The following SLC25A12 variants were observed in gnomAD, a reference collection of about 807,000 sequenced individuals.
SLC25A12 encodes solute carrier family 25 member 12.
Under a neutral mutation model 83.3 loss-of-function variants are expected in SLC25A12, and 32 were observed. The ratio of observed to expected loss-of-function variants is 0.38; its 90% CI spans 0.29 to 0.52. SLC25A12 has a LOEUF of 0.52. SLC25A12 is among the 20% of genes least tolerant of loss of function. The probability of loss-of-function intolerance (pLI) is 0.84; values close to 1 mark genes in which losing one functional copy is unlikely to be tolerated. For synonymous variants in SLC25A12, 267 were observed against 291.1 expected, an observed-to-expected ratio of 0.92 and a Z score of 0.84; for missense variants, 611 against 835.6, an observed-to-expected ratio of 0.73 and a Z score of 3.31.
intron 9 of SLC25A12, among the ~76,000 whole-genome samples, chr2:171,822,764 C>A (rs1684220304): frequency 3.3e-5 from 5 of 152,172 alleles, no homozygotes; most frequent in Admixed American, 3.3e-4. Flanking sequence ...TAACTACTCT[C>A]TCCCTCATAA....
chr2:171,826,187 G>A (rs537219962), intron 9 of SLC25A12, among the ~76,000 whole-genome samples: 1 of 152,242 alleles, frequency 6.6e-6, no homozygotes, highest in African/African-American at 2.4e-5. Flanking sequence ...TAAATGTGAC[G>A]AGGCAAATGA....
At chr2:171,830,734 C>T (rs756209708) in intron 8 of SLC25A12, among the ~76,000 whole-genome samples, 17 of 152,124 alleles carry the variant, frequency 1.1e-4, no homozygotes, top group Non-Finnish European at 2.1e-4. Flanking sequence ...ACACTGGCCT[C>T]GAACTCCTGA....
intron 4 of SLC25A12, among the ~76,000 whole-genome samples, chr2:171,848,795 C>T (rs1408547875): frequency 6.6e-6 from 1 of 152,182 alleles, no homozygotes; most frequent in African/African-American, 2.4e-5. Flanking sequence ...TTTCTATTAG[C>T]CCTTTACCTA....
At chr2:171,855,274 T>C (rs1314066161) in intron 4 of SLC25A12, among the ~76,000 whole-genome samples, 1 of 152,244 alleles carries the variant, frequency 6.6e-6, no homozygotes, top group Non-Finnish European at 1.5e-5. Context: ...ATTTTGTGTC[T>C]ACTAGAGGAT....
intron 8 of SLC25A12, among the ~76,000 whole-genome samples, chr2:171,827,975 A>G (rs1684345695): frequency 6.6e-6 from 1 of 152,046 alleles, no homozygotes; most frequent in Non-Finnish European, 1.5e-5. Context: ...TCCCTTTTCC[A>G]ACACGGGACC....
At chr2:171,884,381 G>C (rs1685767751) in intron 2 of SLC25A12, among the ~76,000 whole-genome samples, 1 of 151,614 alleles carries the variant, frequency 6.6e-6, no homozygotes, top group Non-Finnish European at 1.5e-5. Context: ...AGTAGAGACG[G>C]GGTTTCACCT....
intron 13 of SLC25A12, among the ~76,000 whole-genome samples, chr2:171,796,409 A>G (rs1227438343): frequency 1.3e-5 from 2 of 152,208 alleles, no homozygotes; most frequent in African/African-American, 4.8e-5. Context: ...AGTGCAAATA[A>G]TCAATGACAC....
chr2:171,825,522 G>T (rs982298186), intron 9 of SLC25A12, among the ~76,000 whole-genome samples: 1 of 152,246 alleles, frequency 6.6e-6, no homozygotes, highest in Admixed American at 6.5e-5. Context: ...CAGCAATGAA[G>T]AAAGAGCAGA....
intron 4 of SLC25A12, chr2:171,848,074 C>G: frequency 2.4e-6 from 1 of 419,382 alleles, no homozygotes; most frequent in Middle Eastern, 3.6e-4. Flanking sequence ...CCCCAGAAAC[C>G]CATACTGTGT....
At chr2:171,819,005 T>G in intron 9 of SLC25A12, among the ~76,000 whole-genome samples, 1 of 150,520 alleles carries the variant, frequency 6.6e-6, no homozygotes, top group South Asian at 2.1e-4. Context: ...TTCAATAGTC[T>G]GGGATTTGAA....
chr2:171,805,761 A>G (rs1423416058), intron 13 of SLC25A12, among the ~76,000 whole-genome samples: 3 of 152,182 alleles, frequency 2.0e-5, no homozygotes. Flanking sequence ...AGAAGCATGG[A>G]TGCTCATTTT....
chr2:171,866,599 A>C (rs1397781134), intron 3 of SLC25A12, among the ~76,000 whole-genome samples: 8 of 30,460 alleles, frequency 2.6e-4, no homozygotes, highest in South Asian at 9.6e-4. Context: ...TGACCCCCCC[A>C]CCTCCCTCCC....
At chr2:171,887,254 A>G (rs2105932878) in intron 2 of SLC25A12, among the ~76,000 whole-genome samples, 1 of 152,364 alleles carries the variant, frequency 6.6e-6, no homozygotes, top group South Asian at 2.1e-4. Flanking sequence ...TTTATTCTCT[A>G]ACCTAAAATA....
At chr2:171,833,206 G>A (rs867185743) in intron 8 of SLC25A12, among the ~76,000 whole-genome samples, 8 of 152,258 alleles carry the variant, frequency 5.3e-5, no homozygotes, top group African/African-American at 1.9e-4. Context: ...AGACAGAGCA[G>A]TGCTAGAGTT....
chr2:171,795,184 C>T (rs1683574368), intron 13 of SLC25A12, among the ~76,000 whole-genome samples: 1 of 152,172 alleles, frequency 6.6e-6, no homozygotes, highest in Non-Finnish European at 1.5e-5. Flanking sequence ...GTCCTTCGAG[C>T]AGGGAGGTGC....
At chr2:171,844,572 G>C in intron 4 of SLC25A12, 64 bp from the exon 5 acceptor site, 1 of 1,131,686 alleles carries the variant, frequency 8.8e-7, no homozygotes, top group Non-Finnish European at 1.3e-6. Context: ...CCACTGCAAT[G>C]TTCCTACAGA....
chr2:171,802,109 G>A (rs1398655257), intron 13 of SLC25A12, among the ~76,000 whole-genome samples: 1 of 152,110 alleles, frequency 6.6e-6, no homozygotes, highest in African/African-American at 2.4e-5. Context: ...CTGAGCAACT[G>A]TATACACACA....
At chr2:171,821,082 T>G (rs1405627927) in intron 9 of SLC25A12, among the ~76,000 whole-genome samples, 1 of 130,762 alleles carries the variant, frequency 7.6e-6, no homozygotes, top group Non-Finnish European at 1.6e-5. Flanking sequence ...CAGGCTAAAG[T>G]GCAGTGGCGC....
intron 2 of SLC25A12, among the ~76,000 whole-genome samples, chr2:171,883,842 C>CT (rs751764934): frequency 1.3e-5 from 2 of 151,598 alleles, no homozygotes; most frequent in Non-Finnish European, 2.9e-5. Context: ...CTGTAGTAAG[C>CT]TTTTTTTTGT....
Sources: allele counts gnomAD v4.1 joint callset (sites outside exome capture counted in the v4.1 genomes callset), GRCh38; gene constraint gnomAD v4.1.1; transcripts MANE v1.5; gene names NCBI Gene and HGNC (gene_info 2026-07-23, HGNC 2026-07-21).